Variants in FAM117B observed in about 807,000 individuals in gnomAD.
FAM117B encodes protein FAM117B.
FAM117B carries 22 observed loss-of-function variants against 52.8 expected under a neutral mutation model. The ratio of observed to expected loss-of-function variants is 0.42; its 90% confidence interval spans 0.30 to 0.59. The LOEUF (loss-of-function observed/expected upper bound fraction) is 0.59. FAM117B is among the 20% of genes least tolerant of loss of function. The pLI is 0.22. For missense variants in FAM117B, 678 were observed against 802.6 expected (o/e 0.84, Z 1.88); for synonymous variants, 309 against 324.1 (o/e 0.95, Z 0.50).
chr2:202,731,392 CAATT>C (rs1344585456), intron 4 of FAM117B, among the ~76,000 whole-genome samples: 2 of 112,440 alleles, frequency 1.8e-5, no homozygotes, highest in African/African-American at 2.9e-5. Context: ...AGCTCCTTCT[CAATT>C]AAAAAATATA....
Position 202,668,543 on chromosome 2 carries a change from A to G in FAM117B, c.602-27338A>G, listed in dbSNP as rs571168285. ...ACTCTCTCTCAAAAAAAAAAAAAAA[A>G]AAAGAAAAAGAAGGTATAGTGAACT... On this transcript the variant is annotated intron_variant, in intron 1 of 7. Coordinates refer to ENST00000392238, the MANE Select transcript of FAM117B (RefSeq NM_173511.4). Among the ~76,000 whole-genome samples the G allele has an allele frequency of 4.1e-4, 60 of 145,610 alleles. 1 individual carries two copies. Among genetic ancestry groups the G allele is most frequent in the East Asian group, 4.1e-3 (21 of 5,152 alleles).
At chr2:202,729,065 C>T (rs142415819) in intron 4 of FAM117B, among the ~76,000 whole-genome samples, 13 of 152,300 alleles carry the variant, frequency 8.5e-5, no homozygotes, top group African/African-American at 1.4e-4. Context: ...TGGCCGGGCA[C>T]GGTGGCTCAC....
chr2:202,748,639 C>T (rs938138450), intron 4 of FAM117B, among the ~76,000 whole-genome samples: 1 of 151,940 alleles, frequency 6.6e-6, no homozygotes, highest in East Asian at 1.9e-4. Context: ...TTAGAAGAGA[C>T]AGATTAAATG....
intron 2 of FAM117B, among the ~76,000 whole-genome samples, chr2:202,713,782 C>G (rs1347385061): frequency 6.6e-6 from 1 of 152,160 alleles, no homozygotes; most frequent in Admixed American, 6.5e-5. Context: ...TCTTGGCTCA[C>G]TGCAACCTCC....
intron 1 of FAM117B, among the ~76,000 whole-genome samples, chr2:202,676,169 TG>T (rs1367395264): frequency 1.3e-5 from 2 of 152,070 alleles, no homozygotes; most frequent in Non-Finnish European, 2.9e-5. Flanking sequence ...AACTAGTGTC[TG>T]TGGCCAACAA....
At chr2:202,639,400 C>G (rs1261928811) in intron 1 of FAM117B, among the ~76,000 whole-genome samples, 2 of 152,210 alleles carry the variant, frequency 1.3e-5, no homozygotes, top group African/African-American at 4.8e-5. Flanking sequence ...ATATTTTAAA[C>G]TTCCCACCTT....
rs537447869 is a variant in FAM117B, at chr2:202,634,994, A to AGCGGCG, written c.-176_-171dup. 1.2e-4 allele frequency among the ~76,000 whole-genome samples: 18 copies of AGCGGCG among 147,634 alleles called. No homozygotes were observed. Among genetic ancestry groups the AGCGGCG allele is most frequent in the African/African-American group, 2.5e-4 (10 of 39,702 alleles). On this transcript the variant is annotated 5_prime_UTR_variant, in exon 1 of 8. Transcript: ENST00000392238. ...AGAGGAGACACTATTGTTGATGAGG[A>AGCGGCG]GCGGCGGCGGCGGCGGCGGCGGCTG... is the stretch of plus-strand genomic sequence containing the variant.
At chr2:202,746,948 GA>G (rs113632968) in intron 4 of FAM117B, among the ~76,000 whole-genome samples, 70,944 of 143,102 alleles carry the variant, frequency 0.5, 17,849 homozygotes, top group Middle Eastern at 0.62. Flanking sequence ...GCCACCACCG[GA>G]AAAAAAAACA....
At chr2:202,678,749 G>A (rs1690417851) in intron 1 of FAM117B, among the ~76,000 whole-genome samples, 1 of 152,090 alleles carries the variant, frequency 6.6e-6, no homozygotes, top group Admixed American at 6.6e-5. Context: ...GTAGAGACGG[G>A]GTTTCTCCAC....
chr2:202,744,952 G>T (rs1330035296), intron 4 of FAM117B, among the ~76,000 whole-genome samples: 1 of 134,404 alleles, frequency 7.4e-6, no homozygotes, highest in African/African-American at 2.8e-5. Context: ...ACTCCAGCCT[G>T]GGTGATAGAG....
rs547131960 is a variant in FAM117B, at chr2:202,686,954, A to C, written c.602-8927A>C. 2.2e-3 allele frequency among the ~76,000 whole-genome samples: 330 copies of C among 152,310 alleles called. 1 individual carries two copies. Among genetic ancestry groups the C allele is most frequent in the African/African-American group, 7.6e-3 (316 of 41,570 alleles). On this transcript the variant is annotated intron_variant, in intron 1 of 7. Coordinates refer to ENST00000392238, the MANE Select transcript of FAM117B (RefSeq NM_173511.4). ...TTTATTTTAAGGAATTGTCTCATGC[A>C]CTAATGGAGTCTGAGAAGTCCCGTT...
chr2:202,636,004 C>T (rs1045278291), intron 1 of FAM117B, among the ~76,000 whole-genome samples: 4 of 150,048 alleles, frequency 2.7e-5, no homozygotes, highest in Non-Finnish European at 5.9e-5. Flanking sequence ...TCATTCACCC[C>T]TCTGCCCGCC....
chr2:202,673,345 C>T (rs557654400), intron 1 of FAM117B, among the ~76,000 whole-genome samples: 61 of 150,526 alleles, frequency 4.1e-4, no homozygotes, highest in African/African-American at 1.3e-3. Context: ...TTAAGTAGTT[C>T]CTCTTACTGT....
At chr2:202,645,446 C>T (rs1475605831) in intron 1 of FAM117B, among the ~76,000 whole-genome samples, 1 of 150,752 alleles carries the variant, frequency 6.6e-6, no homozygotes, top group Non-Finnish European at 1.5e-5. Flanking sequence ...CCCGCCACCT[C>T]GCCCGGCTAA....
intron 1 of FAM117B, among the ~76,000 whole-genome samples, chr2:202,640,655 G>C (rs1392145648): frequency 6.6e-6 from 1 of 151,730 alleles, no homozygotes; most frequent in East Asian, 1.9e-4. Context: ...TGTCACCCAG[G>C]CTGGAGTGTA....
chr2:202,752,416 CTTTTTT>C (rs57518801), intron 4 of FAM117B, among the ~76,000 whole-genome samples: 3 of 136,728 alleles, frequency 2.2e-5, no homozygotes, highest in Admixed American at 1.5e-4. Context: ...TATGCTTTTT[CTTTTTT>C]TTTTTTTTTT....
intron 4 of FAM117B, among the ~76,000 whole-genome samples, chr2:202,754,075 A>G (rs1382197029): frequency 6.6e-6 from 1 of 152,218 alleles, no homozygotes; most frequent in Admixed American, 6.5e-5. Context: ...ACACATGCAC[A>G]TATGTGTTTA....
intron 7 of FAM117B, among the ~76,000 whole-genome samples, chr2:202,763,314 C>T (rs754356439): frequency 6.6e-6 from 1 of 152,046 alleles, no homozygotes; most frequent in African/African-American, 2.4e-5. Context: ...CCTCATGATC[C>T]GCTCGCCTTG....
At chr2:202,686,046 C>G (rs1032082164) in intron 1 of FAM117B, among the ~76,000 whole-genome samples, 2 of 152,212 alleles carry the variant, frequency 1.3e-5, no homozygotes, top group Non-Finnish European at 2.9e-5. Context: ...AGAGAACTTG[C>G]ATCCAGAATA....
Sources: gnomAD v4.1 joint callset for allele counts (sites outside exome capture counted in the v4.1 genomes callset) on GRCh38, gnomAD v4.1.1 for gene constraint, MANE v1.5 for transcripts, NCBI Gene and HGNC (gene_info 2026-07-23, HGNC 2026-07-21) for gene names.